DCAF8L2: variants seen among roughly 807,000 people sequenced by gnomAD.
DCAF8L2 encodes DDB1 and CUL4 associated factor 8 like 2.
For synonymous variants in DCAF8L2, 200 were observed against 190.9 expected, an observed-to-expected ratio of 1.05 and a Z score of -0.39; for missense variants, 430 against 490.7, an observed-to-expected ratio of 0.88 and a Z score of 1.17.
intron 2 of DCAF8L2, among the ~76,000 whole-genome samples, chrX:27,661,105 C>G (rs759873976): frequency 1.5e-4 from 17 of 111,515 alleles, no homozygotes; most frequent in African/African-American, 4.6e-4. Flanking sequence ...TGTGAATTCC[C>G]TGTCTGGGAT....
chrX:27,746,971 C>T lies in DCAF8L2; in HGVS notation c.76C>T (p.Gln26Ter). Residue 26 changes from glutamine to a stop codon, truncating the protein, a stop_gained, in exon 5 of 5, where the codon CAG becomes TAG. Transcript: ENST00000451261. LOFTEE classifies it low-confidence loss of function (END_TRUNC). ...AAGCCTGTTCAGCAGCCCAGAGGAG[C>T]AGTCTGGAGCCGTGGCGGCGACAGA... ...TESLFSSPEE[Q>*]SGAVAATEAS... The T allele has an allele frequency of 2.5e-6, 3 of 1,201,039 alleles. No homozygotes were observed.
the DCAF8L2 span, among the ~76,000 whole-genome samples, chrX:27,561,190 C>T: frequency 3.6e-5 from 4 of 111,841 alleles, no homozygotes; most frequent in South Asian, 3.7e-4. Flanking sequence ...TCTTATCTTT[C>T]GAGTTTGTGT....
chrX:27,657,327 G>A (rs965103797), intron 2 of DCAF8L2, among the ~76,000 whole-genome samples: 1 of 111,217 alleles, frequency 9.0e-6, no homozygotes, highest in African/African-American at 3.3e-5. Context: ...CTTTGTTAGC[G>A]TGTTACAGTC....
the DCAF8L2 span, among the ~76,000 whole-genome samples, chrX:27,553,265 C>T: frequency 1.8e-3 from 197 of 110,867 alleles, no homozygotes; most frequent in African/African-American, 6.1e-3. Context: ...TCTGCTAGGT[C>T]CTTTTGGTTT....
At chrX:27,735,006 T>C (rs915110945) in intron 4 of DCAF8L2, among the ~76,000 whole-genome samples, 1 of 112,101 alleles carries the variant, frequency 8.9e-6, no homozygotes, top group Non-Finnish European at 1.9e-5. Flanking sequence ...ATAGTTTTAA[T>C]TTGAAGTGAT....
chrX:27,518,403 G>A, the DCAF8L2 span: 7 of 648,159 alleles, frequency 1.1e-5, no homozygotes, highest in Admixed American at 2.3e-5. Flanking sequence ...CCTGAAGGTT[G>A]CACAAGATCT....
the DCAF8L2 span, among the ~76,000 whole-genome samples, chrX:27,514,395 C>T: frequency 1.6e-4 from 18 of 109,894 alleles, no homozygotes; most frequent in East Asian, 5.8e-4. Context: ...ATCGGCCGCG[C>T]GCGGTGGCTC....
the DCAF8L2 span, among the ~76,000 whole-genome samples, chrX:27,497,695 A>G: frequency 9.1e-6 from 1 of 110,461 alleles, no homozygotes; most frequent in African/African-American, 3.3e-5. Context: ...CAGCCTCCCG[A>G]GTAGCTGGGA....
intron 2 of DCAF8L2, among the ~76,000 whole-genome samples, chrX:27,654,649 T>C (rs1929281505): frequency 9.0e-6 from 1 of 111,591 alleles, no homozygotes; most frequent in African/African-American, 3.2e-5. Context: ...CAGGGCACAA[T>C]AATAGAAATA....
At chrX:27,469,363 T>C in the DCAF8L2 span, among the ~76,000 whole-genome samples, 2 of 112,165 alleles carry the variant, frequency 1.8e-5, no homozygotes, top group East Asian at 2.8e-4. Context: ...TGCTTACTAA[T>C]TACCCTATAG....
upstream of DCAF8L2, among the ~76,000 whole-genome samples, chrX:27,587,985 A>AAATATATATATAT: frequency 1.8e-4 from 4 of 22,364 alleles, no homozygotes; most frequent in African/African-American, 3.9e-4. Context: ...TAAAAAAAAA[A>AAATATATATATAT]ATATATATAT....
chrX:27,508,505 C>T, the DCAF8L2 span, among the ~76,000 whole-genome samples: 1 of 109,193 alleles, frequency 9.2e-6, no homozygotes, highest in Non-Finnish European at 1.9e-5. Context: ...ACAGGACAGA[C>T]AGCAACACAG....
intron 3 of DCAF8L2, among the ~76,000 whole-genome samples, chrX:27,708,473 G>A (rs1485435260): frequency 3.6e-5 from 4 of 111,801 alleles, no homozygotes; most frequent in South Asian, 3.7e-4. Context: ...TTAGTTCTTG[G>A]ATGGGAGTTT....
chrX:27,625,096 TCAAA>T (rs779009821), intron 1 of DCAF8L2, among the ~76,000 whole-genome samples: 1 of 111,509 alleles, frequency 9.0e-6, no homozygotes, highest in African/African-American at 3.3e-5. Flanking sequence ...AAACTATGCG[TCAAA>T]CAAAGGTCTA....
At chrX:27,569,446 C>G in the DCAF8L2 span, among the ~76,000 whole-genome samples, 10 of 111,621 alleles carry the variant, frequency 9.0e-5, no homozygotes, top group African/African-American at 3.2e-4. Context: ...GGCAAGAATC[C>G]AGATTTTCAA....
chrX:27,606,329 T>C (rs1926885883), intron 1 of DCAF8L2, among the ~76,000 whole-genome samples: 1 of 73,598 alleles, frequency 1.4e-5, no homozygotes, highest in Non-Finnish European at 2.6e-5. Context: ...GAATTATATA[T>C]ATATATAGGA....
the DCAF8L2 span, among the ~76,000 whole-genome samples, chrX:27,482,785 C>T: frequency 8.9e-6 from 1 of 111,759 alleles, no homozygotes; most frequent in Non-Finnish European, 1.9e-5. Flanking sequence ...ACCTCATTAA[C>T]ATTCTAAACT....
At chrX:27,692,110 A>G (rs6628304) in intron 3 of DCAF8L2, among the ~76,000 whole-genome samples, 40,959 of 110,657 alleles carry the variant, frequency 0.37, 6,040 homozygotes, top group Middle Eastern at 0.51. Context: ...TTATTTCAAA[A>G]AGTGACTGGC....
chrX:27,637,498 A>G (rs1236635517), intron 2 of DCAF8L2, among the ~76,000 whole-genome samples: 3 of 111,981 alleles, frequency 2.7e-5, no homozygotes, highest in Non-Finnish European at 5.6e-5. Context: ...GCATGTGCCA[A>G]CCAGGACCAG....
Sources: allele counts gnomAD v4.1 joint callset (sites outside exome capture counted in the v4.1 genomes callset), GRCh38; gene constraint gnomAD v4.1.1; transcripts MANE v1.5; gene names NCBI Gene and HGNC (gene_info 2026-07-23, HGNC 2026-07-21).